Variants in PHACTR3 observed in about 807,000 individuals in gnomAD.
PHACTR3 encodes the protein protein phosphatase 1, regulatory subunit 123.
PHACTR3 carries 16 observed loss-of-function variants against 66.8 expected under a neutral mutation model. That is an observed-to-expected ratio of 0.24 (90% CI 0.16 to 0.36). The LOEUF (loss-of-function observed/expected upper bound fraction) is 0.36. Among genes scored for constraint, PHACTR3 ranks in the 10% least tolerant of loss-of-function variants. The probability of loss-of-function intolerance (pLI) is 1.00; values close to 1 mark genes in which losing one functional copy is unlikely to be tolerated. For synonymous variants in PHACTR3, 323 were observed against 292.1 expected, an observed-to-expected ratio of 1.11 and a Z score of -1.08; for missense variants, 647 against 719.9, an observed-to-expected ratio of 0.90 and a Z score of 1.16.
At chr20:59,653,811 T>C (rs764152172) in intron 1 of PHACTR3, among the ~76,000 whole-genome samples, 1 of 152,206 alleles carries the variant, frequency 6.6e-6, no homozygotes, top group Non-Finnish European at 1.5e-5. Context: ...TGATATTCTT[T>C]GCTCTTAAAA....
At chr20:59,692,548 G>T (rs545360043) in intron 1 of PHACTR3, among the ~76,000 whole-genome samples, 2 of 152,338 alleles carry the variant, frequency 1.3e-5, no homozygotes, top group South Asian at 4.1e-4. Flanking sequence ...TTTGGACAAT[G>T]TGCCCAATAC....
chr20:59,740,860 G>A (rs1353885476), intron 1 of PHACTR3, among the ~76,000 whole-genome samples: 4 of 152,212 alleles, frequency 2.6e-5, no homozygotes, highest in African/African-American at 9.6e-5. Context: ...CTCGGGTGCT[G>A]CCTCATATGG....
chr20:59,702,030 T>C (rs940990365), intron 1 of PHACTR3, among the ~76,000 whole-genome samples: 6 of 152,240 alleles, frequency 3.9e-5, no homozygotes, highest in Non-Finnish European at 7.3e-5. Flanking sequence ...GTCTTTCCTG[T>C]CTCGATAGCT....
intron 1 of PHACTR3, among the ~76,000 whole-genome samples, chr20:59,593,281 T>A (rs556803129): frequency 8.5e-5 from 13 of 152,376 alleles, no homozygotes; most frequent in African/African-American, 2.9e-4. Flanking sequence ...TCTCATGTAC[T>A]ACTTAGCATC....
chr20:59,841,160 TGGGGGTGTGACTC>T (rs891136036), intron 10 of PHACTR3, among the ~76,000 whole-genome samples: 5 of 152,198 alleles, frequency 3.3e-5, no homozygotes, highest in Admixed American at 6.5e-5. Context: ...TATGTACTAC[TGGGGGTGTGACTC>T]CTTCTGATAA....
In PHACTR3 at chr20:59,820,807, A is replaced by G. The variant is rs774066843; in HGVS notation, c.1328+14613A>G. On this transcript the variant is annotated intron_variant, in intron 8 of 12. Coordinates refer to ENST00000371015, the MANE Select transcript of PHACTR3 (RefSeq NM_080672.5). The surrounding 1 kb of genome is among the most constrained non-coding windows in gnomAD (Gnocchi z 4.6). ...AACCCCCATTCAGTGTCAATAAAAC[A>G]TGATTCCCAAACCAGGGAGCAGGTG... is the stretch of plus-strand genomic sequence containing the variant. Among the ~76,000 whole-genome samples, 9 of 152,232 alleles carry G rather than the reference A, an allele frequency of 5.9e-5. No homozygotes were observed. Among genetic ancestry groups the G allele is most frequent in the Non-Finnish European group, 1.3e-4 (9 of 68,032 alleles).
intron 1 of PHACTR3, among the ~76,000 whole-genome samples, chr20:59,661,037 A>C (rs2035788072): frequency 1.3e-5 from 2 of 151,966 alleles, no homozygotes; most frequent in South Asian, 4.2e-4. Context: ...TGTGATTCTC[A>C]TTTTCCTAAT....
At chr20:59,749,848 CA>C (rs1426353863) in intron 3 of PHACTR3, among the ~76,000 whole-genome samples, 2 of 152,044 alleles carry the variant, frequency 1.3e-5, no homozygotes, top group African/African-American at 4.8e-5. Flanking sequence ...TTTTGTCAAC[CA>C]TTTAAAGATG....
intron 1 of PHACTR3, among the ~76,000 whole-genome samples, chr20:59,580,056 C>T (rs1189517112): frequency 1.3e-5 from 2 of 151,972 alleles, no homozygotes; most frequent in South Asian, 2.1e-4. Context: ...GAGCTTGGGG[C>T]GGTGGTTGTT....
intron 3 of PHACTR3, among the ~76,000 whole-genome samples, chr20:59,750,344 G>A (rs2039532965): frequency 6.6e-6 from 1 of 152,156 alleles, no homozygotes; most frequent in African/African-American, 2.4e-5. Context: ...CGCTCAGGCA[G>A]CAGTTAAATT....
At chr20:59,635,838 C>T (rs182870087) in intron 1 of PHACTR3, among the ~76,000 whole-genome samples, 3 of 152,280 alleles carry the variant, frequency 2.0e-5, no homozygotes, top group African/African-American at 4.8e-5. Context: ...GCAGGGTGCT[C>T]GGTGTGCAGT....
intron 2 of PHACTR3, among the ~76,000 whole-genome samples, chr20:59,743,498 G>A (rs1022758333): frequency 6.6e-6 from 1 of 152,206 alleles, no homozygotes; most frequent in Non-Finnish European, 1.5e-5. Flanking sequence ...ACCCCATGTG[G>A]GACGCTCTGC....
intron 1 of PHACTR3, among the ~76,000 whole-genome samples, chr20:59,660,419 G>T (rs577402830): frequency 6.6e-6 from 1 of 152,224 alleles, no homozygotes; most frequent in African/African-American, 2.4e-5. Flanking sequence ...GCGTGAATCC[G>T]GGAGGCGGAG....
At chr20:59,690,628 G>T (rs1328514964) in intron 1 of PHACTR3, among the ~76,000 whole-genome samples, 1 of 151,992 alleles carries the variant, frequency 6.6e-6, no homozygotes, top group Non-Finnish European at 1.5e-5. Flanking sequence ...GAACAAGCAG[G>T]AAATATCTTC....
At chr20:59,584,246 TTGTG>T (rs146127124) in intron 1 of PHACTR3, among the ~76,000 whole-genome samples, 1 of 151,238 alleles carries the variant, frequency 6.6e-6, no homozygotes, top group African/African-American at 2.4e-5. Context: ...GTGTGCCTGA[TTGTG>T]TGTGTGTATG....
chr20:59,632,290 C>T (rs1396078835), intron 1 of PHACTR3, among the ~76,000 whole-genome samples: 21 of 152,176 alleles, frequency 1.4e-4, no homozygotes, highest in Admixed American at 1.4e-3. Flanking sequence ...GGAAAAGGTG[C>T]ACCTCCTCCG....
At chr20:59,579,191 G>A (rs1447132499) in intron 1 of PHACTR3, among the ~76,000 whole-genome samples, 1 of 152,216 alleles carries the variant, frequency 6.6e-6, no homozygotes, top group African/African-American at 2.4e-5. Context: ...GCCACCAGGA[G>A]CCCATGTTCT....
At chr20:59,637,766 A>T (rs1055760208) in intron 1 of PHACTR3, among the ~76,000 whole-genome samples, 2 of 151,110 alleles carry the variant, frequency 1.3e-5, no homozygotes, top group South Asian at 2.1e-4. Context: ...TTGATTCCCT[A>T]TTGTGGTTGA....
chr20:59,767,391 C>T lies in PHACTR3; in HGVS notation c.747C>T (p.Val249=). The T allele has an allele frequency of 6.2e-7, 1 of 1,613,420 alleles. No homozygotes were observed. The highest frequency in any genetic ancestry group is 8.5e-7 in the Non-Finnish European group (1 of 1,179,998). ...CAAGCTCCAAAACCACAAAAAATGT[C>T]ACAGGTGGGTCCACATGCATCCTGC... The part of the protein sequence containing the change: ...PKASSKTTKN[V]TGQATLFQAS... The change falls in exon 5 of 13, where the codon GTC becomes GTT. Residue 249 remains valine (V), a synonymous_variant. Transcript: ENST00000371015.
Sources: allele counts gnomAD v4.1 joint callset (sites outside exome capture counted in the v4.1 genomes callset), GRCh38; gene constraint gnomAD v4.1.1; non-coding constraint Gnocchi (gnomAD v3.1); transcripts MANE v1.5; gene names NCBI Gene and HGNC (gene_info 2026-07-23, HGNC 2026-07-21).